The following EYS variants were observed in gnomAD, a reference collection of about 807,000 sequenced individuals.
The protein encoded by EYS is protein eyes shut homolog.
In EYS, 250 loss-of-function variants were observed where a neutral mutation model predicts 282.1. The ratio of observed to expected loss-of-function variants is 0.89; its 90% CI spans 0.80 to 0.98. The LOEUF (loss-of-function observed/expected upper bound fraction) is 0.98, where lower values mean the gene tolerates loss of function less well. Among genes scored for constraint, EYS ranks in the 50% least tolerant of loss-of-function variants. The pLI, the probability that EYS is intolerant of heterozygous loss-of-function variation, is 0.00. For missense variants in EYS, 4,016 were observed against 3,709.0 expected, an observed-to-expected ratio of 1.08 and a Z score of -2.15; for synonymous variants, 1,355 against 1,282.9, an observed-to-expected ratio of 1.06 and a Z score of -1.20.
At chr6:63,742,473 T>C (rs1221154074) in intron 41 of EYS, among the ~76,000 whole-genome samples, 2 of 152,180 alleles carry the variant, frequency 1.3e-5, no homozygotes, top group South Asian at 4.1e-4. Flanking sequence ...TCAGCAGAAA[T>C]TGACAACCCC....
At chr6:64,492,664 T>C (rs1207987404) in intron 26 of EYS, among the ~76,000 whole-genome samples, 1 of 151,314 alleles carries the variant, frequency 6.6e-6, no homozygotes, top group East Asian at 1.9e-4. Context: ...GAAGAACAAT[T>C]AACTCTACCC....
chr6:64,944,418 G>T (rs994249211), intron 15 of EYS, among the ~76,000 whole-genome samples: 3 of 152,080 alleles, frequency 2.0e-5, no homozygotes, highest in African/African-American at 7.2e-5. Flanking sequence ...TATCAACAGA[G>T]TAAACAGACA....
intron 12 of EYS, among the ~76,000 whole-genome samples, chr6:65,101,349 G>A (rs1774887998): frequency 6.6e-6 from 1 of 151,162 alleles, no homozygotes; most frequent in African/African-American, 2.4e-5. Context: ...TGAATGCAAA[G>A]CAAATAGATG....
chr6:64,648,342 A>C (rs1768429613), intron 22 of EYS, among the ~76,000 whole-genome samples: 1 of 152,190 alleles, frequency 6.6e-6, no homozygotes, highest in African/African-American at 2.4e-5. Flanking sequence ...GGCAGAAGCT[A>C]TAAGCTGTTT....
intron 35 of EYS, among the ~76,000 whole-genome samples, chr6:63,943,521 T>G (rs907356430): frequency 1.3e-5 from 2 of 152,234 alleles, no homozygotes; most frequent in African/African-American, 4.8e-5. Context: ...CAAAAATGAA[T>G]TAAAGCAAGA....
At chr6:64,348,771 C>A (rs530874980) in intron 29 of EYS, among the ~76,000 whole-genome samples, 1 of 151,498 alleles carries the variant, frequency 6.6e-6, no homozygotes, top group African/African-American at 2.4e-5. Context: ...CATGGCAGCA[C>A]TAGACTCAAT....
chr6:65,690,066 G>C (rs984625527), intron 1 of EYS, among the ~76,000 whole-genome samples: 2 of 150,076 alleles, frequency 1.3e-5, no homozygotes, highest in African/African-American at 4.9e-5. Flanking sequence ...ACATGGGGAT[G>C]AAGTAATTCT....
intron 22 of EYS, among the ~76,000 whole-genome samples, chr6:64,746,085 C>A (rs773762914): frequency 1.3e-5 from 2 of 151,566 alleles, no homozygotes; most frequent in African/African-American, 2.4e-5. Flanking sequence ...ACTAGCAATA[C>A]CCCAAATAAA....
At chr6:64,772,438 C>T (rs1488213204) in intron 22 of EYS, among the ~76,000 whole-genome samples, 1 of 151,650 alleles carries the variant, frequency 6.6e-6, no homozygotes, top group Non-Finnish European at 1.5e-5. Context: ...GCATACAATG[C>T]ATAATAATCA....
chr6:64,527,753 T>C (rs940317827), intron 26 of EYS, among the ~76,000 whole-genome samples: 2 of 151,612 alleles, frequency 1.3e-5, no homozygotes, highest in African/African-American at 4.8e-5. Flanking sequence ...AAATAAAAAA[T>C]AAAATTTAAA....
intron 1 of EYS, among the ~76,000 whole-genome samples, chr6:65,651,805 AG>A (rs879933280): frequency 2.6e-5 from 4 of 152,084 alleles, no homozygotes; most frequent in Non-Finnish European, 5.9e-5. Flanking sequence ...TTGTGTAACC[AG>A]TCTCTTTAAT....
chr6:65,342,378 T>C (rs940806958), intron 10 of EYS, among the ~76,000 whole-genome samples: 29 of 151,162 alleles, frequency 1.9e-4, no homozygotes, highest in South Asian at 1.2e-3. Context: ...CTAATTTTAC[T>C]ACACTGATGT....
intron 31 of EYS, among the ~76,000 whole-genome samples, chr6:64,154,246 GC>G (rs1481337675): frequency 6.6e-6 from 1 of 151,976 alleles, no homozygotes; most frequent in East Asian, 1.9e-4. Context: ...TTCAAGACCA[GC>G]CTGACCAACA....
intron 22 of EYS, among the ~76,000 whole-genome samples, chr6:64,668,964 G>C (rs1769339701): frequency 6.6e-6 from 1 of 152,064 alleles, no homozygotes; most frequent in South Asian, 2.1e-4. Context: ...GCCAATTGTA[G>C]TTGGTTATCT....
intron 29 of EYS, among the ~76,000 whole-genome samples, chr6:64,318,552 T>G (rs755366550): frequency 6.6e-6 from 1 of 152,010 alleles, no homozygotes; most frequent in Non-Finnish European, 1.5e-5. Context: ...TGAAAATACA[T>G]GAAAGTATGA....
At chr6:64,523,560 T>C (rs3857530) in intron 26 of EYS, among the ~76,000 whole-genome samples, 7,820 of 151,780 alleles carry the variant, frequency 0.052, 673 homozygotes, top group African/African-American at 0.18. Context: ...ACAACACCCA[T>C]GTGGTAAAAG....
At chr6:65,623,633 G>T (rs1221021887) in intron 2 of EYS, among the ~76,000 whole-genome samples, 1 of 152,126 alleles carries the variant, frequency 6.6e-6, no homozygotes, top group Admixed American at 6.5e-5. Flanking sequence ...TAAAAGGTTA[G>T]CCTGGATTTG....
At chr6:65,335,628 G>A (rs1769958974) in intron 10 of EYS, among the ~76,000 whole-genome samples, 1 of 151,610 alleles carries the variant, frequency 6.6e-6, no homozygotes, top group East Asian at 2.0e-4. Flanking sequence ...AGAGAACATG[G>A]GATGTATGTT....
intron 22 of EYS, among the ~76,000 whole-genome samples, chr6:64,739,749 C>T (rs1376126245): frequency 6.6e-6 from 1 of 151,988 alleles, no homozygotes; most frequent in Non-Finnish European, 1.5e-5. Flanking sequence ...TAAAACAATA[C>T]CGACATTCCT....
Sources: gnomAD v4.1 joint callset for allele counts (sites outside exome capture counted in the v4.1 genomes callset) on GRCh38, gnomAD v4.1.1 for gene constraint, MANE v1.5 for transcripts, NCBI Gene and HGNC (gene_info 2026-07-23, HGNC 2026-07-21) for gene names.